NR2C2: variants seen among roughly 807,000 people sequenced by gnomAD.
NR2C2 encodes nuclear receptor subfamily 2 group C member 2, also known as Nuclear hormone receptor TR4.
A neutral mutation model predicts 62.9 loss-of-function variants in NR2C2; 6 were observed. That is an observed-to-expected ratio of 0.10 (90% CI 0.05 to 0.19). NR2C2 has a LOEUF of 0.19. NR2C2 is among the 10% of genes least tolerant of loss of function. The pLI, the probability that NR2C2 is intolerant of heterozygous loss-of-function variation, is 1.00. For missense variants in NR2C2, 479 were observed against 762.7 expected, an observed-to-expected ratio of 0.63 and a Z score of 4.38; for synonymous variants, 272 against 273.8, an observed-to-expected ratio of 0.99 and a Z score of 0.07.
At chr3:14,976,602 C>CTTCCTTTTT (rs2040212806) in intron 1 of NR2C2, among the ~76,000 whole-genome samples, 1 of 90,740 alleles carries the variant, frequency 1.1e-5, no homozygotes, top group Non-Finnish European at 2.1e-5. Flanking sequence ...TCCTTCCTTC[C>CTTCCTTTTT]TTTTTTTTTT....
chr3:15,002,426 A>G (rs1227465394), intron 1 of NR2C2, among the ~76,000 whole-genome samples: 1 of 152,082 alleles, frequency 6.6e-6, no homozygotes, highest in Non-Finnish European at 1.5e-5. Flanking sequence ...GATGAACCCC[A>G]GTTATTCGTG....
intron 1 of NR2C2, among the ~76,000 whole-genome samples, chr3:14,973,601 T>G (rs913925470): frequency 2.7e-4 from 36 of 133,918 alleles, no homozygotes; most frequent in African/African-American, 1.0e-3. Context: ...TATGATCCAG[T>G]TATACGGTAT....
chr3:14,953,475 C>T (rs539102690), intron 1 of NR2C2, among the ~76,000 whole-genome samples: 2 of 152,302 alleles, frequency 1.3e-5, no homozygotes, highest in Admixed American at 1.3e-4. Context: ...GGGCTAGACT[C>T]AAGCCTGAAG....
At chr3:14,972,178 T>C (rs891679165) in intron 1 of NR2C2, among the ~76,000 whole-genome samples, 48 of 149,360 alleles carry the variant, frequency 3.2e-4, no homozygotes, top group Non-Finnish European at 5.2e-4. Flanking sequence ...TTCTTTCTTT[T>C]TTTTTTTTTT....
chr3:15,029,792 A>AATACATACATAGATAG (rs55834583), intron 8 of NR2C2, among the ~76,000 whole-genome samples: 1 of 139,194 alleles, frequency 7.2e-6, no homozygotes, highest in Non-Finnish European at 1.5e-5. Flanking sequence ...GTAAATAAAT[A>AATACATACATAGATAG]ATAGATAGAT....
At chr3:14,977,352 C>T (rs935580995) in intron 1 of NR2C2, among the ~76,000 whole-genome samples, 4 of 152,224 alleles carry the variant, frequency 2.6e-5, no homozygotes, top group African/African-American at 9.6e-5. Context: ...AAGCATAGCA[C>T]ATAGAAAGTA....
At chr3:15,029,828 GATAGATAGATAGAT>G (rs1235970473) in intron 8 of NR2C2, among the ~76,000 whole-genome samples, 23 of 124,930 alleles carry the variant, frequency 1.8e-4, no homozygotes, top group African/African-American at 7.1e-4. Context: ...TAGATAGATA[GATAGATAGATAGAT>G]ATAGATAGAC....
At chr3:15,007,270 G>C (rs1344337536) in intron 2 of NR2C2, among the ~76,000 whole-genome samples, 2 of 151,872 alleles carry the variant, frequency 1.3e-5, no homozygotes, top group African/African-American at 4.8e-5. Context: ...TGGGAATACA[G>C]GTGCTCGCCA....
intron 1 of NR2C2, among the ~76,000 whole-genome samples, chr3:14,994,923 G>T: frequency 7.3e-6 from 1 of 136,272 alleles, no homozygotes; most frequent in Non-Finnish European, 1.6e-5. Flanking sequence ...TCTAAAAAAA[G>T]AAAAGAAAAA....
chr3:15,003,652 C>A (rs1326220398), intron 1 of NR2C2, among the ~76,000 whole-genome samples: 1 of 152,194 alleles, frequency 6.6e-6, no homozygotes, highest in Non-Finnish European at 1.5e-5. Context: ...TTTCTTCTTA[C>A]ATTTTCAACA....
chr3:15,044,018 G>C lies in NR2C2; in HGVS notation c.*1010G>C, dbSNP rs2042363112. ...GGGTGCTTGTGTGTTTGTCCAGATG[G>C]AGGAGTGTGGCCTTGGAGTGTGAGC... On this transcript the variant is annotated 3_prime_UTR_variant, in exon 14 of 14. Coordinates refer to ENST00000425241, the MANE Select transcript of NR2C2 (RefSeq NM_001291694.2). 1 of 152,214 alleles carries C rather than the reference G, an allele frequency of 6.6e-6. No individual in the cohort carries two copies. The highest frequency in any genetic ancestry group is 1.5e-5 in the Non-Finnish European group (1 of 68,048). 9.4% of individuals were successfully genotyped at this position (152,214 alleles called of 1,614,324 possible).
rs1396734138 is a variant in NR2C2 at position 15,034,821 on chromosome 3, G to A, written c.1372+12G>A. The stretch of plus-strand genomic sequence containing the variant: ...CAGCATCCAGGAAGGTAGGGCACAG[G>A]GACTTGGGGCTGGGGTGTGTCTTGG... On this transcript the variant is annotated intron_variant, in intron 11 of 13. Transcript: ENST00000425241. 5.0e-6 allele frequency: 8 copies of A among 1,606,370 alleles called. No homozygotes were observed. The African/African-American group carries it at 9.4e-5, about 19-fold the overall frequency.
intron 1 of NR2C2, among the ~76,000 whole-genome samples, chr3:14,985,122 A>C (rs2040479944): frequency 6.6e-6 from 1 of 152,078 alleles, no homozygotes; most frequent in Admixed American, 6.6e-5. Context: ...CTATTATTAA[A>C]ATTGAGTTAT....
At chr3:14,981,589 C>T (rs575318094) in intron 1 of NR2C2, among the ~76,000 whole-genome samples, 55 of 126,782 alleles carry the variant, frequency 4.3e-4, no homozygotes, top group African/African-American at 1.5e-3. Context: ...GGCGACAGAG[C>T]GAGGCTCTGT....
At position 14,990,780 on chromosome 3, in the gene NR2C2, A is replaced by G. The variant is rs80229100; in HGVS notation, c.-39-13096A>G. On this transcript the variant is annotated intron_variant, in intron 1 of 13. Coordinates refer to ENST00000425241, the MANE Select transcript of NR2C2 (RefSeq NM_001291694.2). ...GGGGAGAAGCCTTGTAATGCAATGT[A>G]TTTCAGTAGTCACTTATTTTTACAG... is the stretch of plus-strand genomic sequence containing the variant. Among the ~76,000 whole-genome samples, 277 of 152,356 alleles carry G rather than the reference A, an allele frequency of 1.8e-3. 3 individuals are homozygous for G. The highest frequency in any genetic ancestry group is 5.0e-3 in the Admixed American group (76 of 15,308).
chr3:14,984,590 G>A (rs533585818), intron 1 of NR2C2, among the ~76,000 whole-genome samples: 14 of 152,162 alleles, frequency 9.2e-5, no homozygotes, highest in African/African-American at 3.4e-4. Flanking sequence ...CTTTCATTTA[G>A]CGAAGTTATT....
chr3:14,981,638 A>G (rs2040373806), intron 1 of NR2C2, among the ~76,000 whole-genome samples: 1 of 150,900 alleles, frequency 6.6e-6, no homozygotes, highest in African/African-American at 2.4e-5. Context: ...ATTGATTCAC[A>G]TGATCACAAG....
rs968297649 is a variant in NR2C2 at position 14,960,364 on chromosome 3, T to A, written c.-40+12458T>A. ...ACTGCTGCTTCTCTGTGACTTCATATCTGTAGTCACCTGTTGTTAGATTTA... is the reference window on the plus strand; with the variant it reads ...ACTGCTGCTTCTCTGTGACTTCATAACTGTAGTCACCTGTTGTTAGATTTA... On this transcript the variant is annotated intron_variant, in intron 1 of 13. Transcript: ENST00000425241. Among the ~76,000 whole-genome samples, 4 of 152,242 alleles carry A rather than the reference T, an allele frequency of 2.6e-5. No individual in the cohort carries two copies. The South Asian group carries it at 8.3e-4, about 31-fold the overall frequency.
At chr3:14,948,148 T>C (rs898534438) in intron 1 of NR2C2, 1 of 149,094 alleles carries the variant, frequency 6.7e-6, no homozygotes, top group Admixed American at 6.6e-5. Context: ...AGGGTGGGGG[T>C]GGAGGGGGAA....
Sources: gnomAD v4.1 joint callset for allele counts (sites outside exome capture counted in the v4.1 genomes callset) on GRCh38, gnomAD v4.1.1 for gene constraint, MANE v1.5 for transcripts, NCBI Gene and HGNC (gene_info 2026-07-23, HGNC 2026-07-21) for gene names.